CAMTA1: variants seen among roughly 807,000 people sequenced by gnomAD.
CAMTA1 encodes the protein calmodulin binding transcription activator 1.
CAMTA1 carries 27 observed loss-of-function variants against 170.9 expected under a neutral mutation model. The observed-to-expected ratio is 0.16, with a 90% CI of 0.12 to 0.22. The LOEUF is 0.22. CAMTA1 is among the 10% of genes least tolerant of loss of function. CAMTA1 has a pLI of 1.00. For missense variants in CAMTA1, 1,619 were observed against 2,217.2 expected, an observed-to-expected ratio of 0.73 and a Z score of 5.42; for synonymous variants, 833 against 891.5, an observed-to-expected ratio of 0.93 and a Z score of 1.17.
At chr1:7,270,730 C>G (rs1310573087) in intron 5 of CAMTA1, among the ~76,000 whole-genome samples, 1 of 152,142 alleles carries the variant, frequency 6.6e-6, no homozygotes, top group Non-Finnish European at 1.5e-5. Context: ...CTTGTAATCA[C>G]AGATACTTGG....
Position 7,685,057 on chromosome 1 carries a change from C to T in CAMTA1, c.2914+7324C>T, listed in dbSNP as rs1392850199. Among the ~76,000 whole-genome samples, 1 of 151,936 alleles carries T rather than the reference C, an allele frequency of 6.6e-6. No homozygotes were observed. The highest frequency in any genetic ancestry group is 1.5e-5 in the Non-Finnish European group (1 of 67,956). ...CACAGGTGGCATGTTTTGAGGAGTTCGCAGGCACCGTCCCGTGGTCACAGG... is the reference window on the plus strand; with the variant it reads ...CACAGGTGGCATGTTTTGAGGAGTTTGCAGGCACCGTCCCGTGGTCACAGG... On this transcript the variant is annotated intron_variant, in intron 11 of 22. Transcript: ENST00000303635. The surrounding 1 kb of genome is among the most constrained non-coding windows in gnomAD (Gnocchi z 5.7).
At chr1:7,228,944 G>T (rs1662194692) in intron 4 of CAMTA1, among the ~76,000 whole-genome samples, 1 of 152,170 alleles carries the variant, frequency 6.6e-6, no homozygotes, top group Admixed American at 6.5e-5. Flanking sequence ...TGCATGGGAA[G>T]GGGCCACAGA....
In CAMTA1 at chr1:7,547,443, G is replaced by T. The variant is rs1056777038; in HGVS notation, c.510+79542G>T. On this transcript the variant is annotated intron_variant, in intron 6 of 22. Transcript: ENST00000303635. This position sits in a 1 kb window ranked among gnomAD's most constrained non-coding sequence, Gnocchi z 5.7. ...CGCATCCGTGGATTCAACCAACAACGGGCCAAAAATATCCAGGAAAAAAAT... is the reference window on the plus strand; with the variant it reads ...CGCATCCGTGGATTCAACCAACAACTGGCCAAAAATATCCAGGAAAAAAAT... Among the ~76,000 whole-genome samples the T allele has an allele frequency of 6.6e-6, 1 of 151,270 alleles. No individual in the cohort carries two copies. The highest frequency in any genetic ancestry group is 1.5e-5 in the Non-Finnish European group (1 of 67,940).
intron 6 of CAMTA1, among the ~76,000 whole-genome samples, chr1:7,639,837 A>C (rs1308789608): frequency 1.3e-5 from 2 of 151,554 alleles, no homozygotes; most frequent in African/African-American, 4.8e-5. Context: ...GGCTGAAGGC[A>C]GAGGGGCTCC....
At chr1:7,441,368 A>G (rs543254193) in intron 5 of CAMTA1, 3 of 152,298 alleles carry the variant, frequency 2.0e-5, no homozygotes, top group Admixed American at 2.0e-4. Context: ...GTGTTACATT[A>G]AGTGTCTGCT....
intron 6 of CAMTA1, among the ~76,000 whole-genome samples, chr1:7,496,953 C>T (rs572945782): frequency 6.6e-6 from 1 of 152,024 alleles, no homozygotes; most frequent in Admixed American, 6.5e-5. Flanking sequence ...CTTCCTAGGC[C>T]ATGCAAAAGT....
chr1:7,738,096 A>G lies in CAMTA1; in HGVS notation c.3796A>G (p.Ser1266Gly). Residue 1266 changes from serine (S) to glycine (G), a missense_variant, in exon 16 of 23, where the codon AGT (serine) becomes GGT (glycine). By Grantham distance (56) the Ser-to-Gly change is moderately conservative. Coordinates refer to ENST00000303635, the MANE Select transcript of CAMTA1 (RefSeq NM_015215.4). This position sits in a 1 kb window ranked among gnomAD's most constrained non-coding sequence, Gnocchi z 4.9. ...GGAGAAGCTGCTTCCCACTGCACTG[A>G]GTCTGGAAGAGCCAAATATCAGGAA... The part of the protein sequence containing the change: ...RQEKLLPTAL[S>G]LEEPNIRKQS... 6.2e-7 allele frequency: 1 copy of G among 1,614,158 alleles called. No individual in the cohort carries two copies. The highest frequency in any genetic ancestry group is 8.5e-7 in the Non-Finnish European group (1 of 1,180,028).
chr1:7,752,658 A>G (rs1328407105), intron 21 of CAMTA1, 125 bp downstream of exon 21: 4 of 701,724 alleles, frequency 5.7e-6, no homozygotes, highest in Non-Finnish European at 9.2e-6. Flanking sequence ...AGACGTCCCA[A>G]ATTACAATAG....
At chr1:7,100,171 G>T (rs541583425) in intron 4 of CAMTA1, among the ~76,000 whole-genome samples, 13 of 152,132 alleles carry the variant, frequency 8.5e-5, no homozygotes, top group Admixed American at 6.5e-5. Context: ...TCCCCTGCAC[G>T]GCACTTGGGT....
At chr1:7,104,235 CGT>C (rs1265945943) in intron 4 of CAMTA1, among the ~76,000 whole-genome samples, 4 of 138,696 alleles carry the variant, frequency 2.9e-5, no homozygotes, top group African/African-American at 1.1e-4. Flanking sequence ...CAACTACACA[CGT>C]GTACACACAA....
chr1:6,931,981 G>A (rs535751818), intron 3 of CAMTA1, among the ~76,000 whole-genome samples: 96 of 152,278 alleles, frequency 6.3e-4, no homozygotes, highest in African/African-American at 2.2e-3. Flanking sequence ...GTGCCTCCTT[G>A]TGTGACCTCA....
At chr1:7,432,212 C>T (rs954260077) in intron 5 of CAMTA1, among the ~76,000 whole-genome samples, 1 of 152,316 alleles carries the variant, frequency 6.6e-6, no homozygotes, top group African/African-American at 2.4e-5. Flanking sequence ...TCCGTATTCT[C>T]TTTTAAGCCT....
At position 7,664,709 on chromosome 1, in the gene CAMTA1, C is replaced by A; in HGVS notation, c.2162C>A (p.Pro721Gln). Residue 721 changes from proline to glutamine, a missense_variant, in exon 9 of 23, where the codon CCG becomes CAG. Physicochemically the swap from Pro to Gln is moderately conservative, Grantham distance 76 (BLOSUM62 -1). Coordinates refer to ENST00000303635, the MANE Select transcript of CAMTA1 (RefSeq NM_015215.4). ...QACSSEHYLQ[P>Q]ETNGVIRSAG... is the part of the protein sequence containing the mutation. ...TGCAGCTCTGAGCACTACCTGCAGC[C>A]GGAGACCAACGGGGTAATCCGAAGC... 6.2e-7 allele frequency: 1 copy of A among 1,608,260 alleles called. No homozygotes were observed. Among genetic ancestry groups the A allele is most frequent in the Non-Finnish European group, 8.5e-7 (1 of 1,176,212 alleles).
intron 3 of CAMTA1, among the ~76,000 whole-genome samples, chr1:6,890,521 C>T (rs1571417768): frequency 6.6e-6 from 1 of 151,880 alleles, no homozygotes; most frequent in East Asian, 1.9e-4. Context: ...TTTTGGTCTT[C>T]CCTGGAGGGC....
intron 5 of CAMTA1, among the ~76,000 whole-genome samples, chr1:7,277,198 A>G (rs1346632840): frequency 6.6e-6 from 1 of 152,210 alleles, no homozygotes; most frequent in East Asian, 1.9e-4. Context: ...ACTTTTTTGT[A>G]GAAACTGGCA....
At chr1:7,372,044 C>G (rs1487019944) in intron 5 of CAMTA1, among the ~76,000 whole-genome samples, 1 of 152,210 alleles carries the variant, frequency 6.6e-6, no homozygotes, top group Non-Finnish European at 1.5e-5. Flanking sequence ...CTGTTGCACC[C>G]CTGCCCCACC....
At chr1:7,468,688 C>T (rs1008249257) in intron 6 of CAMTA1, among the ~76,000 whole-genome samples, 1 of 152,250 alleles carries the variant, frequency 6.6e-6, no homozygotes, top group South Asian at 2.1e-4. Context: ...CATGGCCTGC[C>T]TCTGTCACCC....
At chr1:7,703,935 G>A (rs1577029035) in intron 11 of CAMTA1, among the ~76,000 whole-genome samples, 1 of 152,070 alleles carries the variant, frequency 6.6e-6, no homozygotes, top group Non-Finnish European at 1.5e-5. Flanking sequence ...GGAACGCGGA[G>A]GTTAGACCCA....
chr1:7,736,295 G>T lies in CAMTA1; in HGVS notation c.3067-49G>T. 1 of 1,534,374 alleles carries T rather than the reference G, an allele frequency of 6.5e-7. No homozygotes were observed. The highest frequency in any genetic ancestry group is 9.0e-7 in the Non-Finnish European group (1 of 1,117,018). ...TCCCCTACATCGAAGCGCTGATGGG[G>T]TCGAGGGCCTTTAGTCCTGAGGTCG... is the stretch of plus-strand genomic sequence containing the variant. On this transcript the variant is annotated intron_variant, in intron 12 of 22. Coordinates refer to ENST00000303635, the MANE Select transcript of CAMTA1 (RefSeq NM_015215.4). This position sits in a 1 kb window ranked among gnomAD's most constrained non-coding sequence, Gnocchi z 4.5.
Sources: gnomAD v4.1 joint callset for allele counts (sites outside exome capture counted in the v4.1 genomes callset) on GRCh38, gnomAD v4.1.1 for gene constraint, Gnocchi (gnomAD v3.1) non-coding constraint, MANE v1.5 for transcripts, NCBI Gene and HGNC (gene_info 2026-07-23, HGNC 2026-07-21) for gene names.